Variants in ZNF83 observed in about 807,000 individuals in gnomAD.
The protein encoded by ZNF83 is zinc finger protein 83.
For synonymous variants in ZNF83, 209 were observed against 213.0 expected, an observed-to-expected ratio of 0.98 and a Z score of 0.17; for missense variants, 552 against 629.9, an observed-to-expected ratio of 0.88 and a Z score of 1.32.
chr19:52,627,448 G>C (rs955314365), intron 2 of ZNF83, among the ~76,000 whole-genome samples: 2 of 152,082 alleles, frequency 1.3e-5, no homozygotes, highest in Non-Finnish European at 2.9e-5. Flanking sequence ...GATCACCTGA[G>C]GTCAGGAATT....
At chr19:52,649,697 T>C (rs1195914598) in intron 3 of ZNF83, among the ~76,000 whole-genome samples, 2 of 152,156 alleles carry the variant, frequency 1.3e-5, no homozygotes, top group African/African-American at 4.8e-5. Context: ...ATATGCACAT[T>C]TGGATCCAGA....
upstream of ZNF83, among the ~76,000 whole-genome samples, chr19:52,638,759 A>G (rs143278640): frequency 6.6e-6 from 1 of 152,086 alleles, no homozygotes; most frequent in African/African-American, 2.4e-5. Context: ...AGCTTTAGAG[A>G]CTCAGGCCAC....
chr19:52,683,420 C>T (rs73934828), intron 1 of ZNF83, among the ~76,000 whole-genome samples: 3,218 of 151,986 alleles, frequency 0.021, 107 homozygotes, highest in African/African-American at 0.074. Flanking sequence ...CCTGAAGTCA[C>T]GGAGCCTCCA....
intron 3 of ZNF83, chr19:52,655,508 A>G: frequency 2.1e-6 from 3 of 1,408,462 alleles, no homozygotes; most frequent in Non-Finnish European, 3.0e-6. Flanking sequence ...AACCAGGAAG[A>G]GCCAAGATAG....
At chr19:52,662,610 A>G (rs936376049) in intron 1 of ZNF83, among the ~76,000 whole-genome samples, 17 of 151,620 alleles carry the variant, frequency 1.1e-4, no homozygotes, top group African/African-American at 3.6e-4. Flanking sequence ...TTCATATTAC[A>G]CCTGAGCATT....
intron 3 of ZNF83, among the ~76,000 whole-genome samples, chr19:52,644,696 G>C (rs1190198627): frequency 1.3e-5 from 2 of 152,144 alleles, no homozygotes; most frequent in African/African-American, 4.8e-5. Context: ...GTAGAACTAA[G>C]ACATGAGCAA....
chr19:52,660,781 G>A, exon 2 of ZNF83: 1 of 214,502 alleles, frequency 4.7e-6, no homozygotes, highest in South Asian at 8.5e-5. Context: ...AGCCATCCTT[G>A]TCTCCTTTTC....
intron 3 of ZNF83, chr19:52,652,540 C>T: frequency 2.2e-6 from 1 of 449,106 alleles, no homozygotes; most frequent in Non-Finnish European, 4.6e-6. Context: ...GAAGACCTTG[C>T]TGCAATCATG....
chr19:52,663,911 G>A (rs149654696), intron 1 of ZNF83, among the ~76,000 whole-genome samples: 7 of 152,258 alleles, frequency 4.6e-5, no homozygotes, highest in East Asian at 3.9e-4. Context: ...TTATTGAGAC[G>A]GAGTCTCGCT....
intron 1 of ZNF83, among the ~76,000 whole-genome samples, chr19:52,663,449 CA>C (rs2061605347): frequency 1.3e-5 from 2 of 152,282 alleles, no homozygotes; most frequent in African/African-American, 4.8e-5. Context: ...GCCCATCCTT[CA>C]ACATCTGCAA....
At chr19:52,642,458 G>A (rs536171613), upstream of ZNF83, among the ~76,000 whole-genome samples, 80 of 151,708 alleles carry the variant, frequency 5.3e-4, no homozygotes, top group African/African-American at 1.9e-3. Context: ...AGTAAAGACC[G>A]GGTATCTCCA....
intron 2 of ZNF83, among the ~76,000 whole-genome samples, chr19:52,620,756 T>C (rs2060512817): frequency 6.6e-6 from 1 of 152,188 alleles, no homozygotes; most frequent in South Asian, 2.1e-4. Flanking sequence ...ACAAAAGAAG[T>C]GAAACAGCCA....
chr19:52,673,349 C>A (rs1038077393), intron 1 of ZNF83, among the ~76,000 whole-genome samples: 17 of 151,988 alleles, frequency 1.1e-4, no homozygotes, highest in African/African-American at 4.1e-4. Flanking sequence ...TAAAAAAATA[C>A]AAAATTAGCC....
chr19:52,683,992 G>A (rs1181293112), intron 1 of ZNF83, among the ~76,000 whole-genome samples: 1 of 152,114 alleles, frequency 6.6e-6, no homozygotes, highest in Non-Finnish European at 1.5e-5. Flanking sequence ...CCAGTACACC[G>A]GGAGACCAAG....
exon 2 of ZNF83, chr19:52,635,132 C>A: frequency 1.5e-6 from 1 of 676,738 alleles, no homozygotes; most frequent in Non-Finnish European, 2.6e-6. Context: ...CCTCATGTAC[C>A]AAGAGTCCTT....
intron 2 of ZNF83, among the ~76,000 whole-genome samples, chr19:52,658,093 G>A (rs2147270009): frequency 6.7e-6 from 1 of 148,238 alleles, no homozygotes; most frequent in African/African-American, 2.5e-5. Context: ...CCAAGTTCAT[G>A]CCATTGCACT....
rs370139385 is a variant in ZNF83, at chr19:52,680,748, G to A, written c.-283+9695C>T. On this transcript the variant is annotated intron_variant, in intron 1 of 5. Transcript: ENST00000594682. ...CTGCCTCAGCCTCCCGAGTAACTGG[G>A]ACTACAGGCGCCCGCCACTACGCCC... 5.7e-4 allele frequency among the ~76,000 whole-genome samples: 82 copies of A among 143,004 alleles called. 5 individuals are homozygous for A. The highest frequency in any genetic ancestry group is 2.2e-3 in the African/African-American group (77 of 35,362). 93.8% of individuals were successfully genotyped at this position (143,004 alleles called of 152,430 possible).
intron 3 of ZNF83, chr19:52,654,365 C>A: frequency 7.9e-7 from 1 of 1,262,390 alleles, no homozygotes; most frequent in Non-Finnish European, 1.1e-6. Context: ...TTACCGTGCC[C>A]TGTTGATGAG....
chr19:52,651,516 C>A (rs552539586), intron 3 of ZNF83: 2 of 152,220 alleles, frequency 1.3e-5, no homozygotes, highest in Non-Finnish European at 2.9e-5. Flanking sequence ...GCCTTCTCAA[C>A]CATCTCTGTG....
Sources: allele counts gnomAD v4.1 joint callset (sites outside exome capture counted in the v4.1 genomes callset), GRCh38; gene constraint gnomAD v4.1.1; transcripts MANE v1.5; gene names NCBI Gene and HGNC (gene_info 2026-07-23, HGNC 2026-07-21).